SDK1: variants seen among roughly 807,000 people sequenced by gnomAD.
SDK1 encodes protein sidekick-1.
A neutral mutation model predicts 245.5 loss-of-function variants in SDK1; 157 were observed. The observed-to-expected ratio is 0.64, with a 90% CI of 0.56 to 0.73. SDK1 has a LOEUF of 0.73. Among genes scored for constraint, SDK1 ranks in the 30% least tolerant of loss-of-function variants. The pLI, the probability that SDK1 is intolerant of heterozygous loss-of-function variation, is 0.00. For missense variants in SDK1, 3,583 were observed against 3,002.3 expected (o/e 1.19, Z -4.52); for synonymous variants, 1,647 against 1,278.5 (o/e 1.29, Z -6.15).
chr7:4,062,983 A>G (rs1028653973), intron 19 of SDK1, among the ~76,000 whole-genome samples: 9 of 152,152 alleles, frequency 5.9e-5, no homozygotes, highest in Admixed American at 3.3e-4. Flanking sequence ...TATATGAAAA[A>G]CCCACAGCTA....
rs146526298 is a variant in SDK1 at position 3,772,574 on chromosome 7, C to T, written c.714-48876C>T. Among the ~76,000 whole-genome samples, 794 of 152,254 alleles carry T rather than the reference C, an allele frequency of 5.2e-3. 1 individual carries two copies. The highest frequency in any genetic ancestry group is 9.1e-3 in the Non-Finnish European group (617 of 68,004). On this transcript the variant is annotated intron_variant, in intron 4 of 44. Coordinates refer to ENST00000404826, the MANE Select transcript of SDK1 (RefSeq NM_152744.4). ...TAATTGCTTTTAAAAAAAGTATTAG[C>T]ATCTTAAATCATATAGAAAAAAGTG... is the stretch of plus-strand genomic sequence containing the variant.
In SDK1 at chr7:4,127,381, T is replaced by C; in HGVS notation, c.3824T>C (p.Val1275Ala). The C allele has an allele frequency of 1.2e-6, 2 of 1,613,306 alleles. No individual in the cohort carries two copies. Among genetic ancestry groups the C allele is most frequent in the Non-Finnish European group, 1.7e-6 (2 of 1,179,194 alleles). The stretch of plus-strand genomic sequence containing the variant: ...AATCTACTTCATTGGTTCTTTGCAG[T>C]TCCTTCAGCCGCCCCTGAGAACGTG... ...EVVRGRTRES[V>A]PSAAPENVSA... is the part of the protein sequence containing the mutation. The change falls in exon 26 of 45, where the codon GTT (valine) becomes GCT (alanine). Residue 1275 changes from valine (V) to alanine (A), a missense_variant and splice_region_variant. Transcript: ENST00000404826.
intron 41 of SDK1, among the ~76,000 whole-genome samples, chr7:4,235,904 C>A (rs1282947457): frequency 6.6e-6 from 1 of 152,258 alleles, no homozygotes; most frequent in Non-Finnish European, 1.5e-5. Flanking sequence ...GCCCGGCCTT[C>A]CTTTCCTACC....
At chr7:3,615,497 T>C (rs62437884) in intron 1 of SDK1, among the ~76,000 whole-genome samples, 27 of 151,756 alleles carry the variant, frequency 1.8e-4, no homozygotes, top group Non-Finnish European at 3.7e-4. Flanking sequence ...TGTCACAGCA[T>C]CTAACACTTT....
intron 28 of SDK1, among the ~76,000 whole-genome samples, chr7:4,136,426 G>A (rs1367274061): frequency 1.3e-5 from 2 of 152,216 alleles, no homozygotes; most frequent in South Asian, 2.1e-4. Flanking sequence ...GGCCTTCTGA[G>A]TACATAAACA....
At chr7:3,660,078 G>T (rs184724043) in intron 4 of SDK1, among the ~76,000 whole-genome samples, 13 of 152,216 alleles carry the variant, frequency 8.5e-5, no homozygotes, top group Non-Finnish European at 1.5e-5. Flanking sequence ...GGAAAGATCA[G>T]ACCGGAGACA....
At chr7:4,059,881 C>CTT (rs538796519) in intron 19 of SDK1, among the ~76,000 whole-genome samples, 25 of 139,848 alleles carry the variant, frequency 1.8e-4, no homozygotes, top group South Asian at 4.6e-4. Context: ...TTAAAAATTT[C>CTT]TTTTTTTTTT....
In SDK1 at chr7:3,827,782, A is replaced by T. The variant is rs73672193; in HGVS notation, c.847+6199A>T. On this transcript the variant is annotated intron_variant, in intron 5 of 44. Coordinates refer to ENST00000404826, the MANE Select transcript of SDK1 (RefSeq NM_152744.4). ...CATGCTCTCCCTCCCCTTTGGGGACAACCATGGCCAGGCCACATATTGAGC... is the reference window on the plus strand; with the variant it reads ...CATGCTCTCCCTCCCCTTTGGGGACTACCATGGCCAGGCCACATATTGAGC... Among the ~76,000 whole-genome samples the T allele has an allele frequency of 6.2e-3, 945 of 152,212 alleles. 10 individuals are homozygous for T. Among genetic ancestry groups the T allele is most frequent in the African/African-American group, 0.021 (868 of 41,540 alleles).
chr7:3,715,481 T>G (rs1785173826), intron 4 of SDK1, among the ~76,000 whole-genome samples: 1 of 152,094 alleles, frequency 6.6e-6, no homozygotes, highest in African/African-American at 2.4e-5. Context: ...ACCCCTCACC[T>G]TCTACCTGGT....
intron 4 of SDK1, among the ~76,000 whole-genome samples, chr7:3,697,027 ACTCT>A (rs1202948903): frequency 3.9e-5 from 6 of 152,128 alleles, no homozygotes; most frequent in Non-Finnish European, 8.8e-5. Flanking sequence ...AATGAGATAT[ACTCT>A]CTCAGGTTCT....
chr7:3,579,232 A>T (rs1780404937), intron 1 of SDK1, among the ~76,000 whole-genome samples: 1 of 149,766 alleles, frequency 6.7e-6, no homozygotes, highest in Admixed American at 6.6e-5. Context: ...ATGCAGAAAA[A>T]AATGACTTTA....
At chr7:3,749,644 G>C (rs1257861022) in intron 4 of SDK1, among the ~76,000 whole-genome samples, 1 of 152,180 alleles carries the variant, frequency 6.6e-6, no homozygotes, top group African/African-American at 2.4e-5. Context: ...TCAAAGTTCT[G>C]ATACAAGGAT....
At chr7:4,008,495 C>T (rs142851883) in intron 14 of SDK1, among the ~76,000 whole-genome samples, 162 of 152,140 alleles carry the variant, frequency 1.1e-3, no homozygotes, top group African/African-American at 3.6e-3. Flanking sequence ...CCCCATTGGC[C>T]GGGGTCGGGT....
At chr7:3,773,561 T>A (rs920633016) in intron 4 of SDK1, among the ~76,000 whole-genome samples, 2 of 152,190 alleles carry the variant, frequency 1.3e-5, no homozygotes, top group African/African-American at 4.8e-5. Flanking sequence ...GTTGTTTTAT[T>A]TTTTTTCTTT....
At chr7:3,604,592 C>CT (rs1206134318) in intron 1 of SDK1, among the ~76,000 whole-genome samples, 5 of 136,370 alleles carry the variant, frequency 3.7e-5, no homozygotes, top group Non-Finnish European at 6.2e-5. Context: ...TTTTCTTTTT[C>CT]TTTTCTTTTC....
At position 3,892,444 on chromosome 7, in the gene SDK1, A is replaced by C. The variant is rs529164501; in HGVS notation, c.848-58479A>C. ...GAAGCGGGAACCCCCAGGATCTCAT[A>C]AAGCCTCTGCTGGGACCTGGCAGCC... On this transcript the variant is annotated intron_variant, in intron 5 of 44. Coordinates refer to ENST00000404826, the MANE Select transcript of SDK1 (RefSeq NM_152744.4). 2.6e-5 allele frequency among the ~76,000 whole-genome samples: 4 copies of C among 152,286 alleles called. No homozygotes were observed. The East Asian group carries it at 7.7e-4, about 29-fold the overall frequency.
intron 4 of SDK1, among the ~76,000 whole-genome samples, chr7:3,657,000 G>A (rs1286067754): frequency 6.6e-6 from 1 of 152,100 alleles, no homozygotes; most frequent in Non-Finnish European, 1.5e-5. Flanking sequence ...ACCCGCCTCG[G>A]CCTCCCAAAG....
chr7:3,701,314 T>C (rs879738679), intron 4 of SDK1, among the ~76,000 whole-genome samples: 1 of 152,240 alleles, frequency 6.6e-6, no homozygotes, highest in Non-Finnish European at 1.5e-5. Flanking sequence ...CAACATGCCG[T>C]GTTCAACATG....
chr7:4,069,449 A>G (rs1399924246), intron 20 of SDK1, among the ~76,000 whole-genome samples: 1 of 152,188 alleles, frequency 6.6e-6, no homozygotes, highest in African/African-American at 2.4e-5. Context: ...CTGCGTGGGT[A>G]TTCTGCAGCC....
Sources: gnomAD v4.1 joint callset for allele counts (sites outside exome capture counted in the v4.1 genomes callset) on GRCh38, gnomAD v4.1.1 for gene constraint, MANE v1.5 for transcripts, NCBI Gene and HGNC (gene_info 2026-07-23, HGNC 2026-07-21) for gene names.